The following SLCO5A1 variants were observed in gnomAD, a reference collection of about 807,000 sequenced individuals.
The protein encoded by SLCO5A1 is solute carrier organic anion transporter family member 5A1, also known as organic anion transporter polypeptide-related protein 4.
SLCO5A1 carries 39 observed loss-of-function variants against 65.1 expected under a neutral mutation model. The ratio of observed to expected loss-of-function variants is 0.60; its 90% CI spans 0.46 to 0.78. The LOEUF is 0.78. Among genes scored for constraint, SLCO5A1 ranks in the 30% least tolerant of loss-of-function variants. The pLI is 0.00. For missense variants in SLCO5A1, 1,029 were observed against 1,069.4 expected (o/e 0.96, Z 0.53); for synonymous variants, 438 against 415.7 (o/e 1.05, Z -0.65).
chr8:69,692,136 C>T lies in SLCO5A1; in HGVS notation c.1623-9793G>A, dbSNP rs143231837. 2.6e-5 allele frequency among the ~76,000 whole-genome samples: 4 copies of T among 152,240 alleles called. No individual in the cohort carries two copies. The East Asian group carries it at 7.7e-4, about 29-fold the overall frequency. ...TGGTGGCGGGCGCCTGTAATCTAAG[C>T]TACTTGGGAGGCTGAGGCAGGAGAA... is the stretch of plus-strand genomic sequence containing the variant. On this transcript the variant is annotated intron_variant, in intron 6 of 9. Coordinates refer to ENST00000260126, the MANE Select transcript of SLCO5A1 (RefSeq NM_030958.3).
At chr8:69,784,022 G>C (rs1818909988) in intron 2 of SLCO5A1, among the ~76,000 whole-genome samples, 1 of 152,090 alleles carries the variant, frequency 6.6e-6, no homozygotes, top group Admixed American at 6.5e-5. Context: ...GGAAATCTTT[G>C]TACCTTTCTC....
chr8:69,759,967 C>T (rs1041840783), intron 3 of SLCO5A1, among the ~76,000 whole-genome samples: 3 of 152,126 alleles, frequency 2.0e-5, no homozygotes, highest in Non-Finnish European at 4.4e-5. Context: ...AATTTTGCTG[C>T]CAACTGGACT....
At chr8:69,694,907 T>TAA (rs2130801523) in intron 6 of SLCO5A1, among the ~76,000 whole-genome samples, 1 of 152,328 alleles carries the variant, frequency 6.6e-6, no homozygotes, top group Non-Finnish European at 1.5e-5. Flanking sequence ...AGGTGTACTG[T>TAA]AATTCATGGA....
At chr8:69,682,076 G>T (rs1294063532) in intron 7 of SLCO5A1, 108 bp downstream of exon 7, 4 of 1,183,102 alleles carry the variant, frequency 3.4e-6, no homozygotes, top group African/African-American at 1.6e-5. Flanking sequence ...GTTACTTGGA[G>T]CCTCTTGAAA....
intron 2 of SLCO5A1, among the ~76,000 whole-genome samples, chr8:69,797,122 G>A (rs1410230496): frequency 1.3e-5 from 2 of 152,192 alleles, no homozygotes; most frequent in African/African-American, 2.4e-5. Flanking sequence ...CATGGATTGT[G>A]AAGATTTCAT....
At chr8:69,697,344 T>C (rs1814540522) in intron 6 of SLCO5A1, among the ~76,000 whole-genome samples, 1 of 152,114 alleles carries the variant, frequency 6.6e-6, no homozygotes, top group Non-Finnish European at 1.5e-5. Context: ...GAGCCGAGAT[T>C]GTGCCACTGC....
intron 6 of SLCO5A1, among the ~76,000 whole-genome samples, chr8:69,696,779 C>G (rs577644868): frequency 6.6e-6 from 1 of 151,928 alleles, no homozygotes. Flanking sequence ...GGCATAAAAA[C>G]AAAGTTAAAA....
chr8:69,676,495 G>A lies in SLCO5A1; in HGVS notation c.2089+114C>T, dbSNP rs535642904. ...GAAGTTGTACCCTCACCACTAGCCTGTAAAATCTTATTCATGGTAATAAAT... is the reference window on the plus strand; with the variant it reads ...GAAGTTGTACCCTCACCACTAGCCTATAAAATCTTATTCATGGTAATAAAT... On this transcript the variant is annotated intron_variant, in intron 9 of 9. Coordinates refer to ENST00000260126, the MANE Select transcript of SLCO5A1 (RefSeq NM_030958.3). The A allele has an allele frequency of 2.1e-5, 18 of 844,396 alleles. No individual in the cohort carries two copies. The South Asian group carries it at 2.9e-4, about 14-fold the overall frequency. The allele number at this position is 844,396 out of a possible 1,614,324, so 52.3% of individuals were successfully genotyped here. A position where few individuals can be genotyped will look rare whatever the true frequency, so the allele number is the denominator to read the frequency against.
chr8:69,762,951 G>A (rs1442756682), intron 2 of SLCO5A1, among the ~76,000 whole-genome samples: 2 of 152,198 alleles, frequency 1.3e-5, no homozygotes, highest in Non-Finnish European at 2.9e-5. Flanking sequence ...AGGGGGTGGG[G>A]AGAGTATGTC....
intron 2 of SLCO5A1, among the ~76,000 whole-genome samples, chr8:69,800,287 C>G (rs1266504366): frequency 2.1e-5 from 3 of 140,110 alleles, no homozygotes; most frequent in Non-Finnish European, 4.5e-5. Context: ...AAGGTCTTGC[C>G]CTGTCACTCA....
At chr8:69,734,171 G>A (rs1322350252) in intron 5 of SLCO5A1, among the ~76,000 whole-genome samples, 1 of 152,166 alleles carries the variant, frequency 6.6e-6, no homozygotes, top group East Asian at 1.9e-4. Context: ...AAGTGGAGCT[G>A]AAGGTCCCTG....
intron 2 of SLCO5A1, among the ~76,000 whole-genome samples, chr8:69,813,977 C>T (rs1381743848): frequency 6.6e-6 from 1 of 152,024 alleles, no homozygotes; most frequent in Non-Finnish European, 1.5e-5. Context: ...TTTCAATTTC[C>T]TCATCTATAA....
chr8:69,759,216 T>C (rs1817654853), intron 3 of SLCO5A1, among the ~76,000 whole-genome samples: 1 of 152,198 alleles, frequency 6.6e-6, no homozygotes, highest in Non-Finnish European at 1.5e-5. Flanking sequence ...AAAATAACAT[T>C]GCATCAAATA....
rs753815899 is a variant in SLCO5A1 at position 69,832,710 on chromosome 8, C to G, written c.-37G>C. The G allele has an allele frequency of 1.3e-6, 2 of 1,559,240 alleles. No individual in the cohort carries two copies. The highest frequency in any genetic ancestry group is 1.9e-4 in the Middle Eastern group (1 of 5,142). ...TTCAGATTTGATAGCTGATGGCACCCAAGCACTCCGGCACGTTTCATCCAC... is the reference window on the plus strand; with the variant it reads ...TTCAGATTTGATAGCTGATGGCACCGAAGCACTCCGGCACGTTTCATCCAC... On this transcript the variant is annotated 5_prime_UTR_variant, in exon 2 of 10. Transcript: ENST00000260126. This position sits in a 1 kb window ranked among gnomAD's most constrained non-coding sequence, Gnocchi z 4.5.
At chr8:69,773,182 C>T (rs574970697) in intron 2 of SLCO5A1, among the ~76,000 whole-genome samples, 1 of 152,340 alleles carries the variant, frequency 6.6e-6, no homozygotes, top group East Asian at 1.9e-4. Context: ...TAGGCCCATC[C>T]TGTGGCTTTG....
intron 9 of SLCO5A1, among the ~76,000 whole-genome samples, chr8:69,675,096 C>G (rs1425251306): frequency 1.3e-5 from 2 of 151,458 alleles, no homozygotes; most frequent in East Asian, 3.9e-4. Flanking sequence ...TCAATTACCC[C>G]TTTGGTTAAC....
intron 2 of SLCO5A1, chr8:69,794,020 C>G (rs1275573311): frequency 5.3e-6 from 1 of 187,030 alleles, no homozygotes; most frequent in Non-Finnish European, 1.1e-5. Flanking sequence ...GAGATCAAGT[C>G]TGCTGAGGCT....
chr8:69,785,941 G>A (rs769108212), intron 2 of SLCO5A1, among the ~76,000 whole-genome samples: 1 of 152,174 alleles, frequency 6.6e-6, no homozygotes, highest in Non-Finnish European at 1.5e-5. Context: ...AATATTCAGA[G>A]CAAAGTTATT....
chr8:69,700,905 G>A (rs1054222493), intron 6 of SLCO5A1, among the ~76,000 whole-genome samples: 1 of 151,928 alleles, frequency 6.6e-6, no homozygotes, highest in African/African-American at 2.4e-5. Context: ...CCTTTTTGTA[G>A]CTACTGGAGG....
Sources: gnomAD v4.1 joint callset for allele counts (sites outside exome capture counted in the v4.1 genomes callset) on GRCh38, gnomAD v4.1.1 for gene constraint, Gnocchi (gnomAD v3.1) non-coding constraint, MANE v1.5 for transcripts, NCBI Gene and HGNC (gene_info 2026-07-23, HGNC 2026-07-21) for gene names.